METTL23: variants seen among roughly 807,000 people sequenced by gnomAD.
METTL23 encodes the protein histone-arginine methyltransferase METTL23.
Under a neutral mutation model 21.2 loss-of-function variants are expected in METTL23, and 24 were observed. The observed-to-expected ratio is 1.13, with a 90% CI of 0.82 to 1.59. The LOEUF is 1.59. Ranked by LOEUF, METTL23 falls within the 40% of genes most tolerant of loss-of-function variation. The probability of loss-of-function intolerance (pLI) is 0.00; values close to 1 mark genes in which losing one functional copy is unlikely to be tolerated. For synonymous variants in METTL23, 97 were observed against 75.2 expected, an observed-to-expected ratio of 1.29 and a Z score of -1.50; for missense variants, 276 against 221.4, an observed-to-expected ratio of 1.25 and a Z score of -1.57.
chr17:76,727,431 C>T (rs2076990924), intron 1 of METTL23: 2 of 230,260 alleles, frequency 8.7e-6, no homozygotes, highest in East Asian at 1.3e-4. Context: ...GAACTGTAAG[C>T]TTAAGTGATC....
chr17:76,732,642 C>CA (rs1200338804), intron 2 of METTL23: 3 of 321,780 alleles, frequency 9.3e-6, no homozygotes, highest in African/African-American at 4.3e-5. Flanking sequence ...GACTCCGTCT[C>CA]AAAAAAATAA....
At chr17:76,731,413 TAAG>T (rs1362723876) in intron 2 of METTL23, among the ~76,000 whole-genome samples, 1 of 152,180 alleles carries the variant, frequency 6.6e-6, no homozygotes, top group Non-Finnish European at 1.5e-5. Context: ...TCTTGTACCT[TAAG>T]AAGCAAAGCA....
chr17:76,730,500 C>A (rs2077157200), intron 2 of METTL23, among the ~76,000 whole-genome samples: 1 of 152,228 alleles, frequency 6.6e-6, no homozygotes, highest in East Asian at 1.9e-4. Context: ...TATTGACTCT[C>A]TAGCCCTTTA....
chr17:76,731,645 C>G (rs1200439732), intron 2 of METTL23, among the ~76,000 whole-genome samples: 1 of 152,190 alleles, frequency 6.6e-6, no homozygotes, highest in East Asian at 1.9e-4. Context: ...TGGCCTCAGA[C>G]TGGTGAAGGC....
At position 76,733,670 on chromosome 17, in the gene METTL23, C is replaced by T; in HGVS notation, c.557C>T (p.Ala186Val). The T allele has an allele frequency of 6.2e-7, 1 of 1,613,054 alleles. No homozygotes were observed. The highest frequency in any genetic ancestry group is 1.7e-5 in the Admixed American group (1 of 59,894). The change falls in exon 5 of 5, where the codon GCA (alanine) becomes GTA (valine). Residue 186 changes from alanine to valine, a missense_variant. Physicochemically the swap from Ala to Val is moderately conservative, Grantham distance 64. Coordinates refer to ENST00000341249, the MANE Select transcript of METTL23 (RefSeq NM_001080510.5). ...HTVEMLVISF[A>V]KDSL ...GTTGAAATGCTGGTCATTTCCTTTGCAAAGGACAGTCTCTGAATTATACCT... is the reference window on the plus strand; with the variant it reads ...GTTGAAATGCTGGTCATTTCCTTTGTAAAGGACAGTCTCTGAATTATACCT...
chr17:76,730,146 G>A (rs2077139629), intron 2 of METTL23, among the ~76,000 whole-genome samples: 1 of 152,002 alleles, frequency 6.6e-6, no homozygotes, highest in African/African-American at 2.4e-5. Flanking sequence ...ACAAAAAGTA[G>A]CCGGGCCTGG....
Position 76,729,737 on chromosome 17 carries a change from C to A in METTL23, c.27C>A (p.Val9=). 1 of 1,599,822 alleles carries A rather than the reference C, an allele frequency of 6.3e-7. No homozygotes were observed. Among genetic ancestry groups the A allele is most frequent in the Non-Finnish European group, 8.5e-7 (1 of 1,172,054 alleles). The change falls in exon 2 of 5, where the codon GTC becomes GTA. Residue 9 remains valine (V), a synonymous_variant. Transcript: ENST00000341249. The part of the protein sequence containing the change: MYVWPCAV[V]LAQYLWFHRR... ...TGTATGTTTGGCCCTGTGCTGTGGTCCTGGCCCAGTACCTTTGGTTTCACA... is the reference window on the plus strand; with the variant it reads ...TGTATGTTTGGCCCTGTGCTGTGGTACTGGCCCAGTACCTTTGGTTTCACA...
At chr17:76,726,079 G>C (rs1325250107), upstream of METTL23, among the ~76,000 whole-genome samples, 1 of 152,224 alleles carries the variant, frequency 6.6e-6, no homozygotes, top group African/African-American at 2.4e-5. Flanking sequence ...GCCGCCCAAA[G>C]GAGTCAGGGA....
chr17:76,733,459 G>C, intron 4 of METTL23, 62 bp from the exon 5 acceptor site: 1 of 1,598,548 alleles, frequency 6.3e-7, no homozygotes, highest in South Asian at 1.1e-5. Flanking sequence ...TTTAAGAATA[G>C]AATACATCTG....
At chr17:76,727,258 C>T in intron 1 of METTL23, 80 bp downstream of exon 1, 1 of 346,616 alleles carries the variant, frequency 2.9e-6, no homozygotes, top group South Asian at 2.1e-5. Context: ...CCTGAGGGAC[C>T]GGGGGTGCGG....
intron 2 of METTL23, among the ~76,000 whole-genome samples, chr17:76,730,829 C>T (rs1211160984): frequency 4.6e-5 from 7 of 151,966 alleles, no homozygotes; most frequent in South Asian, 2.1e-4. Context: ...ATTGGCTGGG[C>T]GTGGTGGCTC....
upstream of METTL23, among the ~76,000 whole-genome samples, chr17:76,726,134 T>C (rs2076926030): frequency 6.6e-6 from 1 of 152,200 alleles, no homozygotes; most frequent in African/African-American, 2.4e-5. Flanking sequence ...GGGACTCCCG[T>C]CGTCCGCCAG....
chr17:76,731,868 T>C (rs1430489318), intron 2 of METTL23, among the ~76,000 whole-genome samples: 1 of 152,238 alleles, frequency 6.6e-6, no homozygotes, highest in Admixed American at 6.5e-5. Flanking sequence ...CTCTGTGTCC[T>C]TCCTTGAACT....
chr17:76,730,734 A>G (rs1054203428), intron 2 of METTL23, among the ~76,000 whole-genome samples: 8 of 151,558 alleles, frequency 5.3e-5, no homozygotes, highest in African/African-American at 1.7e-4. Context: ...TTGGGAGGCC[A>G]AGGCGGGCGG....
rs183283871 is a variant in METTL23 at position 76,733,693 on chromosome 17, C to T, written c.*7C>T. The T allele has an allele frequency of 1.8e-4, 287 of 1,610,258 alleles. No individual in the cohort carries two copies. Among genetic ancestry groups the T allele is most frequent in the Non-Finnish European group, 2.3e-4 (275 of 1,178,172 alleles). ...TGCAAAGGACAGTCTCTGAATTATA[C>T]CTACAACCTGTTCTGGGACAGTATC... is the stretch of plus-strand genomic sequence containing the variant. On this transcript the variant is annotated 3_prime_UTR_variant, in exon 5 of 5. Coordinates refer to ENST00000341249, the MANE Select transcript of METTL23 (RefSeq NM_001080510.5).
At chr17:76,726,151 C>T (rs2076926779), upstream of METTL23, among the ~76,000 whole-genome samples, 1 of 152,260 alleles carries the variant, frequency 6.6e-6, no homozygotes, top group Non-Finnish European at 1.5e-5. Flanking sequence ...CCAGAGCAGA[C>T]GGGCGGCCAC....
Position 76,733,347 on chromosome 17 carries a change from T to C in METTL23, c.377T>C (p.Val126Ala). The C allele has an allele frequency of 1.2e-6, 2 of 1,613,978 alleles. No homozygotes were observed. The highest frequency in any genetic ancestry group is 8.5e-7 in the Non-Finnish European group (1 of 1,179,894). Residue 126 changes from valine (V) to alanine (A), a missense_variant, in exon 4 of 5, where the codon GTC becomes GCC. Val to Ala is a moderately conservative substitution (Grantham distance 64, BLOSUM62 0). Coordinates refer to ENST00000341249, the MANE Select transcript of METTL23 (RefSeq NM_001080510.5). ...TTTTTGATGCACAAGAATCCCAAGGTCCAATTGTGGTCTACTTATCAAGTT... is the reference window on the plus strand; with the variant it reads ...TTTTTGATGCACAAGAATCCCAAGGCCCAATTGTGGTCTACTTATCAAGTT... ...IYFLMHKNPK[V>A]QLWSTYQVRS...
intron 3 of METTL23, 33 bp from the exon 4 acceptor site, chr17:76,733,260 A>G: frequency 6.2e-7 from 1 of 1,613,170 alleles, no homozygotes; most frequent in Non-Finnish European, 8.5e-7. Flanking sequence ...GTGATGCTAT[A>G]TGAAAATCTA....
At chr17:76,732,179 G>A (rs2077238098) in intron 2 of METTL23, among the ~76,000 whole-genome samples, 1 of 145,192 alleles carries the variant, frequency 6.9e-6, no homozygotes, top group Admixed American at 6.6e-5. Context: ...CCAACATGGT[G>A]AAACCCAGTC....
Sources: allele counts gnomAD v4.1 joint callset (sites outside exome capture counted in the v4.1 genomes callset), GRCh38; gene constraint gnomAD v4.1.1; transcripts MANE v1.5; gene names NCBI Gene and HGNC (gene_info 2026-07-23, HGNC 2026-07-21).